The following NVL variants were observed in gnomAD, a reference collection of about 807,000 sequenced individuals.
The protein encoded by NVL is nuclear valosin-containing protein-like.
Under a neutral mutation model 110.2 loss-of-function variants are expected in NVL, and 84 were observed. The ratio of observed to expected loss-of-function variants is 0.76; its 90% CI spans 0.64 to 0.91. The LOEUF (loss-of-function observed/expected upper bound fraction) is 0.91. Ranked by LOEUF, NVL falls within the 40% of genes least tolerant of loss-of-function variation. The pLI is 0.00. For synonymous variants in NVL, 354 were observed against 361.1 expected (o/e 0.98, Z 0.22); for missense variants, 882 against 1,035.9 (o/e 0.85, Z 2.04).
chr1:224,264,436 T>C (rs1664291027), intron 18 of NVL, among the ~76,000 whole-genome samples: 1 of 151,990 alleles, frequency 6.6e-6, no homozygotes. Context: ...TTAGTAGAGA[T>C]GGAGCTTCAC....
At chr1:224,247,692 G>A (rs1399630052) in intron 19 of NVL, among the ~76,000 whole-genome samples, 2 of 150,836 alleles carry the variant, frequency 1.3e-5, no homozygotes, top group Admixed American at 6.6e-5. Context: ...TTGTTTTCTT[G>A]TAGAGACAGG....
At chr1:224,321,824 T>C (rs1388226354) in intron 2 of NVL, among the ~76,000 whole-genome samples, 2 of 150,204 alleles carry the variant, frequency 1.3e-5, no homozygotes, top group Non-Finnish European at 3.0e-5. Flanking sequence ...TAGGCTAGTA[T>C]AGTAATGGTA....
In NVL at chr1:224,268,140, A is replaced by G; in HGVS notation, c.2083-7T>C. 1.2e-6 allele frequency: 2 copies of G among 1,606,852 alleles called. No homozygotes were observed. The highest frequency in any genetic ancestry group is 1.1e-5 in the South Asian group (1 of 90,608). ...CTCGGACACTTGCCCCTGTCTAAAA[A>G]GACATAAATCTGGTTCCATCAGCTC... On this transcript the variant is annotated splice_polypyrimidine_tract_variant and splice_region_variant and intron_variant, in intron 17 of 22. Coordinates refer to ENST00000281701, the MANE Select transcript of NVL (RefSeq NM_002533.4).
intron 17 of NVL, among the ~76,000 whole-genome samples, chr1:224,270,114 T>C (rs1664935511): frequency 2.0e-5 from 3 of 151,856 alleles, no homozygotes; most frequent in African/African-American, 7.3e-5. Flanking sequence ...GTGCTCCTTA[T>C]TATCACTCCT....
intron 18 of NVL, among the ~76,000 whole-genome samples, chr1:224,250,672 A>G (rs1490252829): frequency 6.6e-6 from 1 of 151,962 alleles, no homozygotes; most frequent in Non-Finnish European, 1.5e-5. Flanking sequence ...CTGGAGCAGC[A>G]TATACTGTAC....
At chr1:224,314,147 A>G (rs1354392360) in intron 4 of NVL, among the ~76,000 whole-genome samples, 1 of 152,218 alleles carries the variant, frequency 6.6e-6, no homozygotes, top group Non-Finnish European at 1.5e-5. Flanking sequence ...CAACCTTTTT[A>G]GGAAGGTAAG....
At chr1:224,238,751 G>A (rs1660817965) in intron 19 of NVL, among the ~76,000 whole-genome samples, 2 of 152,126 alleles carry the variant, frequency 1.3e-5, no homozygotes, top group Non-Finnish European at 2.9e-5. Flanking sequence ...TCAATCCTGG[G>A]GGCAGGTAGA....
At chr1:224,325,263 GA>G (rs1166717307) in intron 2 of NVL, among the ~76,000 whole-genome samples, 367 of 133,896 alleles carry the variant, frequency 2.7e-3, no homozygotes, top group Middle Eastern at 3.8e-3. Flanking sequence ...CTCCGTCTCA[GA>G]AAAAAAAAAA....
At chr1:224,307,017 T>G (rs1668989404) in intron 6 of NVL, among the ~76,000 whole-genome samples, 2 of 151,920 alleles carry the variant, frequency 1.3e-5, no homozygotes, top group African/African-American at 4.9e-5. Flanking sequence ...TGAAGCATCA[T>G]TGTCCATGAG....
intron 18 of NVL, among the ~76,000 whole-genome samples, chr1:224,255,155 C>T (rs1663043438): frequency 6.7e-6 from 1 of 148,578 alleles, no homozygotes; most frequent in African/African-American, 2.5e-5. Context: ...AGGCATGAGC[C>T]AATGTGCCTG....
At chr1:224,263,777 A>C (rs1337127899) in intron 18 of NVL, among the ~76,000 whole-genome samples, 2 of 152,246 alleles carry the variant, frequency 1.3e-5, no homozygotes, top group African/African-American at 4.8e-5. Flanking sequence ...GAAAGTTTAT[A>C]GACTGCTTCT....
intron 4 of NVL, among the ~76,000 whole-genome samples, chr1:224,316,683 A>G (rs1670107554): frequency 6.6e-6 from 1 of 151,690 alleles, no homozygotes; most frequent in South Asian, 2.1e-4. Context: ...AAAAAAGAAA[A>G]AGAAAAAAGT....
intron 4 of NVL, among the ~76,000 whole-genome samples, chr1:224,312,297 TA>T (rs372002202): frequency 1.3e-5 from 2 of 152,202 alleles, no homozygotes; most frequent in African/African-American, 4.8e-5. Flanking sequence ...GTACTCTGAG[TA>T]ACAAATTCAC....
chr1:224,301,630 C>A, intron 9 of NVL: 2 of 318,642 alleles, frequency 6.3e-6, no homozygotes, highest in Non-Finnish European at 1.2e-5. Flanking sequence ...AGTGAGACCC[C>A]ACCTCTAAAA....
In NVL at chr1:224,227,569, TG is replaced by T; in HGVS notation, c.*56del. ...CTGAAAGTGGGTCCTTCAGAGCGTG[TG>T]GGGGATTCTCTGCCGGCTTGATGGG... is the stretch of plus-strand genomic sequence containing the variant. On this transcript the variant is annotated 3_prime_UTR_variant, in exon 23 of 23. Coordinates refer to ENST00000281701, the MANE Select transcript of NVL (RefSeq NM_002533.4). 6.5e-7 allele frequency: 1 copy of T among 1,542,378 alleles called. No homozygotes were observed. Among genetic ancestry groups the T allele is most frequent in the Non-Finnish European group, 8.9e-7 (1 of 1,122,284 alleles).
At chr1:224,292,268 A>C (rs970017228) in intron 12 of NVL, among the ~76,000 whole-genome samples, 5 of 152,228 alleles carry the variant, frequency 3.3e-5, no homozygotes, top group African/African-American at 1.2e-4. Flanking sequence ...TAAAAGAGAC[A>C]GCTATCAATA....
At chr1:224,237,181 G>A (rs927040241) in intron 19 of NVL, among the ~76,000 whole-genome samples, 2 of 152,184 alleles carry the variant, frequency 1.3e-5, no homozygotes, top group African/African-American at 2.4e-5. Context: ...CAAAGGTGAA[G>A]AAACACATTT....
chr1:224,280,567 A>T (rs1229879067), intron 16 of NVL, among the ~76,000 whole-genome samples: 1 of 152,220 alleles, frequency 6.6e-6, no homozygotes, highest in African/African-American at 2.4e-5. Flanking sequence ...AGAAAGTAAT[A>T]CACAATAGGA....
At chr1:224,273,532 T>G (rs1665415163) in intron 17 of NVL, among the ~76,000 whole-genome samples, 1 of 151,862 alleles carries the variant, frequency 6.6e-6, no homozygotes. Flanking sequence ...AAACCAGAAG[T>G]TAGACATGTA....
Sources: allele counts gnomAD v4.1 joint callset (sites outside exome capture counted in the v4.1 genomes callset), GRCh38; gene constraint gnomAD v4.1.1; transcripts MANE v1.5; gene names NCBI Gene and HGNC (gene_info 2026-07-23, HGNC 2026-07-21).